Variants in SORCS3 observed in about 807,000 individuals in gnomAD.
SORCS3 encodes VPS10 domain-containing receptor SorCS3.
A neutral mutation model predicts 146.3 loss-of-function variants in SORCS3; 57 were observed. The observed-to-expected ratio is 0.39, with a 90% CI of 0.31 to 0.49. SORCS3 has a LOEUF of 0.49. SORCS3 is among the 20% of genes least tolerant of loss of function. The probability of loss-of-function intolerance (pLI) is 0.92; values close to 1 mark genes in which losing one functional copy is unlikely to be tolerated. For synonymous variants in SORCS3, 653 were observed against 618.5 expected (o/e 1.06, Z -0.83); for missense variants, 1,341 against 1,575.5 (o/e 0.85, Z 2.52).
At chr10:105,108,363 A>G (rs959567205) in intron 7 of SORCS3, among the ~76,000 whole-genome samples, 1 of 152,178 alleles carries the variant, frequency 6.6e-6, no homozygotes, top group African/African-American at 2.4e-5. Context: ...TGTAAAGTTT[A>G]TAGTATATTG....
chr10:104,934,759 A>T (rs952110315), intron 3 of SORCS3, among the ~76,000 whole-genome samples: 1 of 152,216 alleles, frequency 6.6e-6, no homozygotes, highest in Non-Finnish European at 1.5e-5. Context: ...TTGGAATTAT[A>T]ACCAAGTTAA....
chr10:104,921,573 A>T (rs1192616513), intron 3 of SORCS3, among the ~76,000 whole-genome samples: 2 of 150,838 alleles, frequency 1.3e-5, no homozygotes, highest in Non-Finnish European at 2.9e-5. Flanking sequence ...GTATAGGCTA[A>T]TGAGTTCTTT....
chr10:104,805,359 C>T (rs2017669290), intron 1 of SORCS3, among the ~76,000 whole-genome samples: 1 of 152,132 alleles, frequency 6.6e-6, no homozygotes, highest in Non-Finnish European at 1.5e-5. Context: ...ATCCAAGCCT[C>T]AAGAAGGAAC....
intron 1 of SORCS3, among the ~76,000 whole-genome samples, chr10:104,677,757 T>C (rs928327418): frequency 8.6e-5 from 13 of 152,034 alleles, no homozygotes; most frequent in African/African-American, 2.9e-4. Context: ...ATCCCACCTA[T>C]ATCCCACCCC....
At chr10:105,009,359 A>G (rs1226744319) in intron 4 of SORCS3, among the ~76,000 whole-genome samples, 2 of 152,140 alleles carry the variant, frequency 1.3e-5, no homozygotes, top group Non-Finnish European at 2.9e-5. Context: ...TAAATGCTAA[A>G]TGCTGAGGCA....
chr10:104,641,375 G>T lies in SORCS3; in HGVS notation c.48G>T (p.Pro16=). 7.0e-7 allele frequency: 1 copy of T among 1,424,784 alleles called. No individual in the cohort carries two copies. Among genetic ancestry groups the T allele is most frequent in the Non-Finnish European group, 9.2e-7 (1 of 1,092,498 alleles). The allele number at this position is 1,424,784 out of a possible 1,614,324, so 88.3% of individuals were successfully genotyped here. The change falls in exon 1 of 27, where the codon CCG becomes CCT. Residue 16 remains proline, a synonymous_variant. Transcript: ENST00000369701. This position sits in a 1 kb window ranked among gnomAD's most constrained non-coding sequence, Gnocchi z 6.4. ...GCCCCGCAGGCAGGCCGGGGGCGCCGCTTGTCCGGACGGGGCTCCTACTCT... is the reference window on the plus strand; with the variant it reads ...GCCCCGCAGGCAGGCCGGGGGCGCCTCTTGTCCGGACGGGGCTCCTACTCT... The part of the protein sequence containing the change: ...TERPAGRPGA[P]LVRTGLLLLS...
chr10:105,074,875 G>C lies in SORCS3; in HGVS notation c.1029-14900G>C, dbSNP rs149594233. On this transcript the variant is annotated intron_variant, in intron 5 of 26. Transcript: ENST00000369701. ...CCCGAGGCAAAGACTAGGAAATTCTGATTTTATTCTCTTCAGAGCTGAGAT... is the reference window on the plus strand; with the variant it reads ...CCCGAGGCAAAGACTAGGAAATTCTCATTTTATTCTCTTCAGAGCTGAGAT... Among the ~76,000 whole-genome samples, 54 of 152,232 alleles carry C rather than the reference G, an allele frequency of 3.5e-4. No individual in the cohort carries two copies. The East Asian group carries it at 9.1e-3, about 26-fold the overall frequency.
At chr10:105,124,406 C>T (rs1452943935) in intron 7 of SORCS3, among the ~76,000 whole-genome samples, 1 of 152,176 alleles carries the variant, frequency 6.6e-6, no homozygotes. Context: ...GGCATACGGC[C>T]TGCACCCAAC....
chr10:105,159,721 A>G (rs1235181280), intron 11 of SORCS3, among the ~76,000 whole-genome samples: 1 of 152,228 alleles, frequency 6.6e-6, no homozygotes, highest in Non-Finnish European at 1.5e-5. Context: ...GAAAGCAGAT[A>G]AATTCACAGT....
At position 105,262,423 on chromosome 10, in the gene SORCS3, A is replaced by G. The variant is rs1404223454; in HGVS notation, c.3536A>G (p.Lys1179Arg). 1.2e-6 allele frequency: 2 copies of G among 1,613,910 alleles called. No homozygotes were observed. Among genetic ancestry groups the G allele is most frequent in the Non-Finnish European group, 1.7e-6 (2 of 1,179,960 alleles). Residue 1179 changes from lysine to arginine, a missense_variant, in exon 26 of 27, where the codon AAA becomes AGA. Transcript: ENST00000369701. Reference protein sequence around the residue: ...GSVSQSENAPKITLSDFTEPE... With the variant: ...GSVSQSENAPRITLSDFTEPE... ...GTGAGCCAAAGTGAAAACGCCCCCA[A>G]AATCACACTCAGTGACTTTACGGAG...
intron 3 of SORCS3, among the ~76,000 whole-genome samples, chr10:104,957,186 T>G (rs886945729): frequency 1.3e-5 from 2 of 152,180 alleles, no homozygotes; most frequent in Non-Finnish European, 2.9e-5. Flanking sequence ...GAAAGCAAGG[T>G]GAAATGTAAT....
intron 2 of SORCS3, among the ~76,000 whole-genome samples, chr10:104,846,855 C>T (rs1398435007): frequency 1.3e-5 from 2 of 152,138 alleles, no homozygotes; most frequent in Non-Finnish European, 2.9e-5. Flanking sequence ...TTTAAAGGAA[C>T]CAGGGCTTTC....
intron 4 of SORCS3, among the ~76,000 whole-genome samples, chr10:105,005,579 G>A (rs1308596992): frequency 1.3e-5 from 2 of 152,174 alleles, no homozygotes; most frequent in East Asian, 3.9e-4. Flanking sequence ...TATACAAGAT[G>A]GAACACCGTT....
chr10:104,748,020 G>A (rs970153844), intron 1 of SORCS3, among the ~76,000 whole-genome samples: 1 of 152,222 alleles, frequency 6.6e-6, no homozygotes, highest in Non-Finnish European at 1.5e-5. Flanking sequence ...GTTAATGCGT[G>A]TAAATGCCCT....
At chr10:105,110,833 T>C (rs117206510) in intron 7 of SORCS3, among the ~76,000 whole-genome samples, 2 of 152,298 alleles carry the variant, frequency 1.3e-5, no homozygotes, top group Admixed American at 6.5e-5. Flanking sequence ...TATAAATCCT[T>C]ATTATATATT....
chr10:105,190,693 T>C (rs2056511853), intron 14 of SORCS3, among the ~76,000 whole-genome samples: 1 of 152,162 alleles, frequency 6.6e-6, no homozygotes, highest in South Asian at 2.1e-4. Context: ...TGAGCCACTG[T>C]GCCTGGCCTA....
chr10:105,077,551 C>G (rs1301744066), intron 5 of SORCS3, among the ~76,000 whole-genome samples: 1 of 124,114 alleles, frequency 8.1e-6, no homozygotes, highest in Non-Finnish European at 1.8e-5. Context: ...CACACACACA[C>G]ACACACACAC....
At chr10:105,220,822 A>G (rs1022789059) in intron 19 of SORCS3, among the ~76,000 whole-genome samples, 10 of 152,186 alleles carry the variant, frequency 6.6e-5, no homozygotes, top group African/African-American at 2.4e-4. Context: ...AAATAAAGCA[A>G]TGAAAGTATC....
intron 1 of SORCS3, among the ~76,000 whole-genome samples, chr10:104,756,337 T>C (rs573182063): frequency 1.3e-5 from 2 of 152,196 alleles, no homozygotes; most frequent in Non-Finnish European, 2.9e-5. Context: ...ACTGGACTGA[T>C]GAGGTTCCTC....
Sources: allele counts gnomAD v4.1 joint callset (sites outside exome capture counted in the v4.1 genomes callset), GRCh38; gene constraint gnomAD v4.1.1; non-coding constraint Gnocchi (gnomAD v3.1); transcripts MANE v1.5; gene names NCBI Gene and HGNC (gene_info 2026-07-23, HGNC 2026-07-21).